DCLK1: variants seen among roughly 807,000 people sequenced by gnomAD.
DCLK1 encodes the protein serine/threonine-protein kinase DCLK1.
DCLK1 carries 16 observed loss-of-function variants against 86.2 expected under a neutral mutation model. The observed-to-expected ratio is 0.19, with a 90% CI of 0.13 to 0.28. The LOEUF is 0.28. DCLK1 is among the 10% of genes least tolerant of loss of function. DCLK1 has a pLI of 1.00. For synonymous variants in DCLK1, 369 were observed against 370.5 expected (o/e 1.00, Z 0.05); for missense variants, 590 against 940.2 (o/e 0.63, Z 4.87).
At chr13:35,974,355 A>G (rs1879220516) in intron 3 of DCLK1, among the ~76,000 whole-genome samples, 1 of 152,212 alleles carries the variant, frequency 6.6e-6, no homozygotes, top group Non-Finnish European at 1.5e-5. Flanking sequence ...ATTTGGTCAC[A>G]GACAGATGCA....
intron 16 of DCLK1, chr13:35,788,165 G>A: frequency 1.3e-6 from 2 of 1,572,818 alleles, no homozygotes; most frequent in Non-Finnish European, 1.8e-6. Context: ...GAGACTGCCA[G>A]CACGTTGCCA....
chr13:35,894,630 C>T (rs1873842215), intron 4 of DCLK1, among the ~76,000 whole-genome samples: 1 of 152,210 alleles, frequency 6.6e-6, no homozygotes, highest in Non-Finnish European at 1.5e-5. Context: ...CCAGGGAAGA[C>T]AACGCCAGAA....
At chr13:35,953,058 A>G (rs568765966) in intron 3 of DCLK1, among the ~76,000 whole-genome samples, 26 of 152,336 alleles carry the variant, frequency 1.7e-4, no homozygotes, top group African/African-American at 6.3e-4. Flanking sequence ...GATAAAATAA[A>G]TATGAAAATA....
intron 12 of DCLK1, 104 bp from the exon 13 acceptor site, chr13:35,809,199 A>C: frequency 1.3e-6 from 1 of 767,048 alleles, no homozygotes; most frequent in Admixed American, 2.8e-5. Flanking sequence ...AATAAAACCA[A>C]ACAAAATAAC....
intron 2 of DCLK1, among the ~76,000 whole-genome samples, chr13:36,121,256 GT>G (rs1404354944): frequency 6.6e-6 from 1 of 152,174 alleles, no homozygotes; most frequent in African/African-American, 2.4e-5. Flanking sequence ...ACAAAGCAAG[GT>G]GCAGAACTGT....
intron 3 of DCLK1, among the ~76,000 whole-genome samples, chr13:36,028,973 A>C (rs1197233606): frequency 1.3e-5 from 2 of 152,184 alleles, no homozygotes; most frequent in African/African-American, 4.8e-5. Flanking sequence ...TTCATGAATA[A>C]TCCACACCTT....
chr13:36,062,665 A>C (rs980906863), intron 3 of DCLK1, among the ~76,000 whole-genome samples: 1 of 152,226 alleles, frequency 6.6e-6, no homozygotes, highest in African/African-American at 2.4e-5. Flanking sequence ...AATAATCGCT[A>C]TGAGGATGAC....
chr13:35,912,515 T>G (rs1466439780), intron 4 of DCLK1, among the ~76,000 whole-genome samples: 3 of 152,058 alleles, frequency 2.0e-5, no homozygotes, highest in African/African-American at 7.2e-5. Flanking sequence ...AGCTAGACTT[T>G]GGAGGACAGA....
At chr13:36,084,624 T>C (rs2138120313) in intron 3 of DCLK1, among the ~76,000 whole-genome samples, 2 of 152,296 alleles carry the variant, frequency 1.3e-5, no homozygotes, top group Middle Eastern at 6.8e-3. Flanking sequence ...AAGAAGTTAA[T>C]TACACTTGTG....
intron 3 of DCLK1, among the ~76,000 whole-genome samples, chr13:35,959,537 T>G (rs1305036647): frequency 6.6e-6 from 1 of 152,104 alleles, no homozygotes; most frequent in South Asian, 2.1e-4. Flanking sequence ...AAATCAGATT[T>G]TCATTTGAAA....
intron 7 of DCLK1, among the ~76,000 whole-genome samples, chr13:35,838,419 A>G (rs759131657): frequency 1.3e-5 from 2 of 152,204 alleles, no homozygotes; most frequent in Non-Finnish European, 2.9e-5. Flanking sequence ...CCCACAGTTG[A>G]TTTGAACCTG....
intron 3 of DCLK1, among the ~76,000 whole-genome samples, chr13:35,976,650 C>T (rs982387101): frequency 6.6e-6 from 1 of 151,042 alleles, no homozygotes. Flanking sequence ...CCTGCCTCAG[C>T]CTCCCAAGTA....
At chr13:35,943,121 T>A (rs1877176355) in intron 4 of DCLK1, among the ~76,000 whole-genome samples, 1 of 152,126 alleles carries the variant, frequency 6.6e-6, no homozygotes, top group African/African-American at 2.4e-5. Context: ...TCATACTGAA[T>A]GTGAGTGGGT....
At chr13:36,043,461 G>C (rs1347205656) in intron 3 of DCLK1, among the ~76,000 whole-genome samples, 1 of 151,642 alleles carries the variant, frequency 6.6e-6, no homozygotes, top group Non-Finnish European at 1.5e-5. Context: ...TCAAAGAAGA[G>C]AAAACAAAGA....
At chr13:36,050,880 C>G (rs1455397384) in intron 3 of DCLK1, among the ~76,000 whole-genome samples, 2 of 152,054 alleles carry the variant, frequency 1.3e-5, no homozygotes, top group Admixed American at 6.6e-5. Context: ...ATCAAGTGGA[C>G]CAGTTCAGAA....
intron 15 of DCLK1, among the ~76,000 whole-genome samples, chr13:35,795,491 T>C (rs1179868647): frequency 6.6e-6 from 1 of 152,226 alleles, no homozygotes; most frequent in Non-Finnish European, 1.5e-5. Flanking sequence ...ATTTTTATAG[T>C]ACATTATCCA....
At chr13:35,886,932 A>T (rs1320955910) in intron 4 of DCLK1, among the ~76,000 whole-genome samples, 1 of 152,222 alleles carries the variant, frequency 6.6e-6, no homozygotes, top group Non-Finnish European at 1.5e-5. Flanking sequence ...TAGGAGCTTC[A>T]GTAGATTCTA....
chr13:35,957,927 CCAT>C (rs1338061280), intron 3 of DCLK1, among the ~76,000 whole-genome samples: 1 of 147,562 alleles, frequency 6.8e-6, no homozygotes. Flanking sequence ...ACTGCTATAA[CCAT>C]CACCACTACC....
intron 16 of DCLK1, 27 bp from the exon 17 acceptor site, chr13:35,774,726 G>C (rs1472516097): frequency 6.3e-7 from 1 of 1,599,814 alleles, no homozygotes; most frequent in Non-Finnish European, 8.5e-7. Context: ...ATGAGAAAGA[G>C]GACAATTAGG....
Sources: allele counts gnomAD v4.1 joint callset (sites outside exome capture counted in the v4.1 genomes callset), GRCh38; gene constraint gnomAD v4.1.1; transcripts MANE v1.5; gene names NCBI Gene and HGNC (gene_info 2026-07-23, HGNC 2026-07-21).